Variants in POM121 observed in about 807,000 individuals in gnomAD.
The protein encoded by POM121 is POM121 transmembrane nucleoporin.
In POM121, 32 loss-of-function variants were observed where a neutral mutation model predicts 81.3. The observed-to-expected ratio is 0.39, with a 90% CI of 0.30 to 0.53. The LOEUF is 0.53. Ranked by LOEUF, POM121 falls within the 20% of genes least tolerant of loss-of-function variation. The pLI is 0.66. For missense variants in POM121, 1,138 were observed against 1,614.6 expected, an observed-to-expected ratio of 0.70 and a Z score of 5.06; for synonymous variants, 514 against 694.2, an observed-to-expected ratio of 0.74 and a Z score of 4.08.
At position 72,943,254 on chromosome 7, in the gene POM121, G is replaced by A. The variant is rs782137718; in HGVS notation, c.3261G>A (p.Ser1087=). The A allele has an allele frequency of 1.6e-5, 25 of 1,610,970 alleles. No homozygotes were observed. Among genetic ancestry groups the A allele is most frequent in the East Asian group, 4.5e-5 (2 of 44,746 alleles). The change falls in exon 11 of 13, where the codon TCG becomes TCA. Residue 1087 remains serine, a synonymous_variant. Coordinates refer to ENST00000434423, the MANE Select transcript of POM121 (RefSeq NM_001387691.1). ...CCGCCAGCAGCGGGAGCAGCAGCTC[G>A]GTGTTTGGCAGCACAACACCATCAC... ...TQTASSGSSS[S]VFGSTTPSPF... is the part of the protein sequence containing the mutation.
At chr7:72,888,572 A>G (rs1554490403) in intron 1 of POM121, among the ~76,000 whole-genome samples, 3 of 152,140 alleles carry the variant, frequency 2.0e-5, no homozygotes. Flanking sequence ...GTAGATAATG[A>G]GCATTTTATT....
In POM121 at chr7:72,943,087, G is replaced by C. The variant is rs201571911; in HGVS notation, c.3094G>C (p.Gly1032Arg). Reference protein sequence around the residue: ...VPTPIHPIFGGATHSAFGLKA... With the variant: ...VPTPIHPIFGRATHSAFGLKA... ...TACGCCCATCCATCCTATCTTTGGCGGTGCCACGCACTCGGCGTTTGGGTT... is the reference window on the plus strand; with the variant it reads ...TACGCCCATCCATCCTATCTTTGGCCGTGCCACGCACTCGGCGTTTGGGTT... Residue 1032 changes from glycine (G) to arginine (R), a missense_variant, in exon 11 of 13, where the codon GGT (glycine) becomes CGT (arginine). By Grantham distance (125) the Gly-to-Arg change is moderately radical. Coordinates refer to ENST00000434423, the MANE Select transcript of POM121 (RefSeq NM_001387691.1). The C allele has an allele frequency of 1.9e-6, 3 of 1,613,710 alleles. No individual in the cohort carries two copies. In the African/African-American group the frequency reaches 4.0e-5, roughly 22 times the overall value.
chr7:72,883,142 C>G (rs1790330886), intron 1 of POM121, among the ~76,000 whole-genome samples: 1 of 152,194 alleles, frequency 6.6e-6, no homozygotes, highest in East Asian at 1.9e-4. Flanking sequence ...TGGGCCCACA[C>G]GATCCTCTTG....
rs782162754 is a variant in POM121 at position 72,939,864 on chromosome 7, A to G, written c.1459A>G (p.Arg487Gly). 9 of 1,610,104 alleles carry G rather than the reference A, an allele frequency of 5.6e-6. No homozygotes were observed. Among genetic ancestry groups the G allele is most frequent in the Non-Finnish European group, 7.6e-6 (9 of 1,178,574 alleles). Residue 487 changes from arginine (R) to glycine (G), a missense_variant, in exon 8 of 13, where the codon AGG becomes GGG. Physicochemically the swap from Arg to Gly is moderately radical, Grantham distance 125 (BLOSUM62 -2). Coordinates refer to ENST00000434423, the MANE Select transcript of POM121 (RefSeq NM_001387691.1). ...QGEKAADTTPRKKQNSNSQST... is the reference protein window; with the variant it reads ...QGEKAADTTPGKKQNSNSQST... ...TTCTTTAGCTGCAGATACAACCCCA[A>G]GGAAGAAACAAAACTCGAATTCTCA...
At chr7:72,906,844 T>C (rs1793290723) in intron 3 of POM121, among the ~76,000 whole-genome samples, 1 of 151,630 alleles carries the variant, frequency 6.6e-6, no homozygotes, top group African/African-American at 2.4e-5. Flanking sequence ...CCCAGGCTGG[T>C]CTCAAACTCC....
At chr7:72,920,983 C>T (rs1794768650), upstream of POM121, among the ~76,000 whole-genome samples, 1 of 152,072 alleles carries the variant, frequency 6.6e-6, no homozygotes, top group South Asian at 2.1e-4. Flanking sequence ...CAGTTTGAGA[C>T]CAGCCTGGCC....
chr7:72,881,575 A>T (rs561049290), intron 1 of POM121, among the ~76,000 whole-genome samples: 1 of 151,528 alleles, frequency 6.6e-6, no homozygotes, highest in East Asian at 1.9e-4. Context: ...GCTTGTGTAT[A>T]TGTTCCTCAA....
chr7:72,936,342 T>A (rs1465867899), intron 5 of POM121, among the ~76,000 whole-genome samples: 1 of 145,226 alleles, frequency 6.9e-6, no homozygotes, highest in East Asian at 2.0e-4. Flanking sequence ...TTTGTATTCC[T>A]TTTTTTTTTT....
In POM121 at chr7:72,946,249, C is replaced by A. The variant is rs369635163; in HGVS notation, c.*15C>A. On this transcript the variant is annotated 3_prime_UTR_variant, in exon 13 of 13. Transcript: ENST00000434423. ...GCAAAAAGTAGCCTTTGTCCCCTGT[C>A]CCTGTTCCCCCCACCCCTTCCCTAA... The A allele has an allele frequency of 6.2e-7, 1 of 1,610,086 alleles. No individual in the cohort carries two copies. Among genetic ancestry groups the A allele is most frequent in the Non-Finnish European group, 8.5e-7 (1 of 1,178,928 alleles).
intron 3 of POM121, among the ~76,000 whole-genome samples, chr7:72,893,988 T>C (rs1425010272): frequency 6.6e-6 from 1 of 152,172 alleles, no homozygotes; most frequent in East Asian, 1.9e-4. Flanking sequence ...AGACAAGGTC[T>C]CGGCCGGGCA....
chr7:72,926,826 A>G lies in POM121; in HGVS notation c.885A>G (p.Thr295=), dbSNP rs1554497599. ...SAIPEQIISS[T]LSSPSSNAPD... ...GACCAGAGCAGATAATCAGCTCAAC[A>G]CTGTCCTCACCATCAAGTAACGCCC... The change falls in exon 3 of 13, where the codon ACA becomes ACG. Residue 295 remains threonine, a synonymous_variant. Transcript: ENST00000434423. The G allele has an allele frequency of 2.5e-6, 4 of 1,613,988 alleles. No homozygotes were observed. The highest frequency in any genetic ancestry group is 3.3e-5 in the Admixed American group (2 of 60,014).
upstream of POM121, among the ~76,000 whole-genome samples, chr7:72,920,410 G>A (rs1554495810): frequency 6.8e-6 from 1 of 147,490 alleles, no homozygotes; most frequent in Non-Finnish European, 1.5e-5. Flanking sequence ...GTGGAGTGGC[G>A]CAATCTCGGC....
At chr7:72,950,045 T>G (rs1563181491), downstream of POM121, 3 of 1,545,998 alleles carry the variant, frequency 1.9e-6, no homozygotes, top group Non-Finnish European at 2.7e-6. Context: ...CCTTTTCTAT[T>G]CCTCTTGCCT....
At chr7:72,949,396 T>C (rs1318093289), downstream of POM121, 1 of 1,138,062 alleles carries the variant, frequency 8.8e-7, no homozygotes, top group Non-Finnish European at 1.3e-6. Context: ...CAGGAAGTCC[T>C]CCTCAGCCAG....
rs189529686 is a variant in POM121, at chr7:72,938,311, C to T, written c.1276-279C>T. On this transcript the variant is annotated intron_variant, in intron 5 of 12. Coordinates refer to ENST00000434423, the MANE Select transcript of POM121 (RefSeq NM_001387691.1). ...GGGCAATCTCAGCTCACTGCAGCAT[C>T]CTGAGTAGTTGGGACCACAGATGCA... Among the ~76,000 whole-genome samples the T allele has an allele frequency of 2.0e-3, 310 of 151,500 alleles. 3 individuals are homozygous for T. Among genetic ancestry groups the T allele is most frequent in the Admixed American group, 0.019 (286 of 15,206 alleles).
chr7:72,944,029 G>A (rs1554502635), intron 11 of POM121, among the ~76,000 whole-genome samples: 1 of 151,180 alleles, frequency 6.6e-6, no homozygotes, highest in African/African-American at 2.4e-5. Flanking sequence ...GACAGAGCAA[G>A]ACTCTGTCTC....
intron 4 of POM121, among the ~76,000 whole-genome samples, chr7:72,915,130 T>C (rs1222021269): frequency 6.6e-6 from 1 of 152,212 alleles, no homozygotes; most frequent in Non-Finnish European, 1.5e-5. Context: ...CTTGGTACTT[T>C]GCCCTTCAGG....
At chr7:72,884,684 G>C (rs1265469307) in intron 1 of POM121, among the ~76,000 whole-genome samples, 21 of 149,428 alleles carry the variant, frequency 1.4e-4, no homozygotes, top group Admixed American at 6.0e-4. Context: ...ACTTCCTTTT[G>C]TTCAGATACT....
chr7:72,929,885 A>G (rs1424195674), intron 4 of POM121, 55 bp from the exon 5 acceptor site: 1 of 1,504,084 alleles, frequency 6.6e-7, no homozygotes, highest in Admixed American at 2.1e-5. Context: ...CGTGGATGAA[A>G]TCGTAAAAGA....
Sources: allele counts gnomAD v4.1 joint callset (sites outside exome capture counted in the v4.1 genomes callset), GRCh38; gene constraint gnomAD v4.1.1; transcripts MANE v1.5; gene names NCBI Gene and HGNC (gene_info 2026-07-23, HGNC 2026-07-21).